Variants in DMRT1 observed in about 807,000 individuals in gnomAD.
DMRT1 encodes doublesex and mab-3 related transcription factor 1.
In DMRT1, 7 loss-of-function variants were observed where a neutral mutation model predicts 32.3. That is an observed-to-expected ratio of 0.22 (90% CI 0.12 to 0.41). The LOEUF (loss-of-function observed/expected upper bound fraction) is 0.41. Among genes scored for constraint, DMRT1 ranks in the 10% least tolerant of loss-of-function variants. The pLI, the probability that DMRT1 is intolerant of heterozygous loss-of-function variation, is 1.00. For missense variants in DMRT1, 625 were observed against 500.5 expected (o/e 1.25, Z -2.37); for synonymous variants, 278 against 206.1 (o/e 1.35, Z -2.99).
chr9:906,134 G>A (rs1201720370), intron 3 of DMRT1, among the ~76,000 whole-genome samples: 1 of 152,106 alleles, frequency 6.6e-6, no homozygotes, highest in Admixed American at 6.5e-5. Context: ...ATTTCAATTA[G>A]TTGGAGGTGG....
intron 4 of DMRT1, among the ~76,000 whole-genome samples, chr9:925,900 A>G (rs576337959): frequency 6.6e-6 from 1 of 152,344 alleles, no homozygotes; most frequent in African/African-American, 2.4e-5. Flanking sequence ...CCAAGGCCTC[A>G]CTGGGCTACA....
intron 4 of DMRT1, among the ~76,000 whole-genome samples, chr9:942,239 G>A (rs1819098131): frequency 6.6e-6 from 1 of 151,964 alleles, no homozygotes; most frequent in Non-Finnish European, 1.5e-5. Context: ...CTCAGTTTTG[G>A]CAATGTGTCT....
At chr9:882,842 GC>G (rs1816785808) in intron 2 of DMRT1, among the ~76,000 whole-genome samples, 1 of 149,716 alleles carries the variant, frequency 6.7e-6, no homozygotes, top group African/African-American at 2.5e-5. Flanking sequence ...CATGATCTCG[GC>G]TCACTGCCAC....
At chr9:930,797 C>T (rs1818700270) in intron 4 of DMRT1, among the ~76,000 whole-genome samples, 1 of 151,032 alleles carries the variant, frequency 6.6e-6, no homozygotes, top group South Asian at 2.1e-4. Context: ...GTTTCAGCCT[C>T]CAAAAGCACT....
chr9:880,301 G>A (rs943360707), intron 2 of DMRT1, among the ~76,000 whole-genome samples: 2 of 152,110 alleles, frequency 1.3e-5, no homozygotes, highest in African/African-American at 2.4e-5. Context: ...TGTACTCTGA[G>A]GTACAGATTT....
intron 1 of DMRT1, among the ~76,000 whole-genome samples, chr9:843,895 T>TA (rs1838795357): frequency 6.6e-6 from 1 of 152,238 alleles, no homozygotes; most frequent in Non-Finnish European, 1.5e-5. Flanking sequence ...TTGTTTTGCT[T>TA]AATTTCTTAA....
At chr9:929,712 C>A (rs114148333) in intron 4 of DMRT1, among the ~76,000 whole-genome samples, 2 of 151,928 alleles carry the variant, frequency 1.3e-5, no homozygotes, top group African/African-American at 4.8e-5. Context: ...CGTTGTCCCC[C>A]TGTTTGTGCC....
At chr9:929,928 G>T (rs1818654377) in intron 4 of DMRT1, among the ~76,000 whole-genome samples, 1 of 152,158 alleles carries the variant, frequency 6.6e-6, no homozygotes, top group African/African-American at 2.4e-5. Context: ...TGAAAGGTCA[G>T]CGGTTTTAGG....
chr9:841,714 G>C lies in DMRT1; in HGVS notation c.-125G>C, dbSNP rs981974320. ...ACCTCGCCACTCCAGCTGCGCCTCC[G>C]GCTGCAGCGCACACGTCTCCTGCGC... On this transcript the variant is annotated 5_prime_UTR_variant, in exon 1 of 5. Coordinates refer to ENST00000382276, the MANE Select transcript of DMRT1 (RefSeq NM_021951.3). 15 of 1,537,810 alleles carry C rather than the reference G, an allele frequency of 9.8e-6. No homozygotes were observed. The highest frequency in any genetic ancestry group is 2.7e-5 in the African/African-American group (2 of 72,960).
intron 3 of DMRT1, among the ~76,000 whole-genome samples, chr9:901,604 G>A (rs1817578430): frequency 6.6e-6 from 1 of 152,170 alleles, no homozygotes; most frequent in East Asian, 1.9e-4. Context: ...TGGGATTATA[G>A]GCGGGAGCCA....
intron 2 of DMRT1, among the ~76,000 whole-genome samples, chr9:852,791 G>A (rs1043556807): frequency 1.3e-5 from 2 of 152,120 alleles, no homozygotes; most frequent in South Asian, 2.1e-4. Flanking sequence ...TCTGTGGCTC[G>A]TGGCCCAGTT....
At chr9:936,753 C>CA (rs552878647) in intron 4 of DMRT1, among the ~76,000 whole-genome samples, 8,651 of 105,572 alleles carry the variant, frequency 0.082, 866 homozygotes, top group African/African-American at 0.23. Context: ...AACTTCATCT[C>CA]AAAAAAAAAA....
intron 4 of DMRT1, among the ~76,000 whole-genome samples, chr9:964,089 C>A (rs1220093270): frequency 1.3e-5 from 2 of 152,166 alleles, no homozygotes; most frequent in African/African-American, 4.8e-5. Context: ...TTTCTCACAT[C>A]ACTGGAAGAG....
intron 2 of DMRT1, among the ~76,000 whole-genome samples, chr9:891,280 C>G (rs1252412968): frequency 1.3e-5 from 2 of 151,624 alleles, no homozygotes; most frequent in Non-Finnish European, 2.9e-5. Context: ...AACCCCGTCT[C>G]TACTTAAAAA....
intron 4 of DMRT1, among the ~76,000 whole-genome samples, chr9:925,693 G>A (rs1230679939): frequency 2.0e-5 from 3 of 152,082 alleles, no homozygotes; most frequent in African/African-American, 7.2e-5. Flanking sequence ...CACACGTGCA[G>A]CTCCTCCAGT....
chr9:878,366 C>T (rs898793378), intron 2 of DMRT1, among the ~76,000 whole-genome samples: 5 of 152,134 alleles, frequency 3.3e-5, no homozygotes, highest in African/African-American at 1.2e-4. Context: ...GCATTTGCCT[C>T]ACTAAGTAGA....
intron 2 of DMRT1, among the ~76,000 whole-genome samples, chr9:853,437 A>C (rs1451555821): frequency 1.3e-5 from 2 of 151,820 alleles, no homozygotes; most frequent in East Asian, 1.9e-4. Flanking sequence ...GTTTTTTGCA[A>C]ATTTTTATTT....
intron 2 of DMRT1, among the ~76,000 whole-genome samples, chr9:878,873 C>A (rs370587392): frequency 2.6e-5 from 4 of 152,160 alleles, no homozygotes; most frequent in East Asian, 1.9e-4. Context: ...CTGGGACATG[C>A]AAAACGTATA....
At chr9:895,278 G>T (rs569942216) in intron 3 of DMRT1, among the ~76,000 whole-genome samples, 3 of 152,282 alleles carry the variant, frequency 2.0e-5, no homozygotes, top group Admixed American at 6.5e-5. Context: ...CAGATTGAAG[G>T]CATCAAAAGC....
Sources: allele counts gnomAD v4.1 joint callset (sites outside exome capture counted in the v4.1 genomes callset), GRCh38; gene constraint gnomAD v4.1.1; transcripts MANE v1.5; gene names NCBI Gene and HGNC (gene_info 2026-07-23, HGNC 2026-07-21).